The following SYT16 variants were observed in gnomAD, a reference collection of about 807,000 sequenced individuals.
SYT16 encodes the protein synaptotagmin-16.
A neutral mutation model predicts 61.4 loss-of-function variants in SYT16; 42 were observed. That is an observed-to-expected ratio of 0.68 (90% confidence interval 0.53 to 0.89). The LOEUF is 0.89. Ranked by LOEUF, SYT16 falls within the 40% of genes least tolerant of loss-of-function variation. The pLI is 0.00. For missense variants in SYT16, 804 were observed against 807.3 expected (o/e 1.00, Z 0.05); for synonymous variants, 314 against 302.3 (o/e 1.04, Z -0.40).
chr14:61,857,527 G>A (rs540906659), intron 1 of SYT16, among the ~76,000 whole-genome samples: 1 of 152,320 alleles, frequency 6.6e-6, no homozygotes, highest in African/African-American at 2.4e-5. Flanking sequence ...GCAATGTAAT[G>A]GAGTGGTGGG....
At chr14:61,938,173 ACAGGG>A (rs1160033698) in intron 1 of SYT16, among the ~76,000 whole-genome samples, 1 of 152,122 alleles carries the variant, frequency 6.6e-6, no homozygotes, top group Non-Finnish European at 1.5e-5. Context: ...AGATACGCAA[ACAGGG>A]TGGGGATTGC....
intron 1 of SYT16, among the ~76,000 whole-genome samples, chr14:61,822,609 G>A (rs544246409): frequency 1.4e-4 from 21 of 152,330 alleles, no homozygotes; most frequent in Admixed American, 1.1e-3. Flanking sequence ...TAGAAACAAT[G>A]GCGCTGGAAG....
chr14:61,963,011 A>G (rs957865850), intron 1 of SYT16, among the ~76,000 whole-genome samples: 1 of 152,024 alleles, frequency 6.6e-6, no homozygotes, highest in Non-Finnish European at 1.5e-5. Context: ...CTTAGGGTCA[A>G]TTTCTAGAAC....
chr14:62,091,293 A>G (rs951765391), intron 7 of SYT16, among the ~76,000 whole-genome samples: 1 of 152,194 alleles, frequency 6.6e-6, no homozygotes, highest in African/African-American at 2.4e-5. Context: ...ATTTTCCACA[A>G]AGTTTGACAG....
At chr14:61,929,545 C>A (rs1485684022) in intron 1 of SYT16, among the ~76,000 whole-genome samples, 1 of 152,168 alleles carries the variant, frequency 6.6e-6, no homozygotes, top group African/African-American at 2.4e-5. Flanking sequence ...AGTAGTTGGG[C>A]AAAACCAAAA....
At chr14:61,850,618 A>T (rs2046585804) in intron 1 of SYT16, among the ~76,000 whole-genome samples, 1 of 152,204 alleles carries the variant, frequency 6.6e-6, no homozygotes, top group Admixed American at 6.5e-5. Flanking sequence ...AATTGTAAAC[A>T]TTTCAAATAA....
rs376108958 is a variant in SYT16 at position 61,886,972 on chromosome 14, C to G, written c.-325+74162C>G. ...CAGGCAGGTCTCGAACTCCTGGGCT[C>G]AAGCTATCCTCCCGCCTCTTGCCTC... On this transcript the variant is annotated intron_variant, in intron 1 of 7. Coordinates refer to ENST00000683842, the MANE Select transcript of SYT16 (RefSeq NM_001367656.1). Among the ~76,000 whole-genome samples, 3 of 144,920 alleles carry G rather than the reference C, an allele frequency of 2.1e-5. No homozygotes were observed. The East Asian group carries it at 6.4e-4, about 31-fold the overall frequency.
At position 62,069,768 on chromosome 14, in the gene SYT16, C is replaced by A; in HGVS notation, c.689C>A (p.Ser230Ter). The change falls in exon 4 of 8, where the codon TCG (serine) becomes TAG (stop). Residue 230 changes from serine (S) to a stop codon, truncating the protein, a stop_gained. Transcript: ENST00000683842. LOFTEE classifies it high-confidence loss of function. ...GAGCAGAAACCAAAATTCAGCCGTT[C>A]GTTGTTGACACACGGAGAAGATGGC... is the stretch of plus-strand genomic sequence containing the variant. ...GLEQKPKFSRSLLTHGEDGTE... is the reference protein window; with the variant it reads ...GLEQKPKFSR The A allele has an allele frequency of 6.2e-7, 1 of 1,613,974 alleles. No individual in the cohort carries two copies. The highest frequency in any genetic ancestry group is 8.5e-7 in the Non-Finnish European group (1 of 1,179,878).
chr14:61,926,721 A>G (rs182915242), intron 1 of SYT16, among the ~76,000 whole-genome samples: 32 of 152,226 alleles, frequency 2.1e-4, no homozygotes, highest in Admixed American at 1.8e-3. Context: ...TTTTAGGTGA[A>G]TTTTAAGGGG....
intron 3 of SYT16, among the ~76,000 whole-genome samples, chr14:62,026,414 C>T (rs770973261): frequency 2.0e-5 from 3 of 152,104 alleles, no homozygotes; most frequent in Non-Finnish European, 4.4e-5. Context: ...CTGGTGAAGG[C>T]CTTCTTGCTG....
At chr14:61,980,072 A>C (rs766238416) in intron 2 of SYT16, among the ~76,000 whole-genome samples, 3 of 152,198 alleles carry the variant, frequency 2.0e-5, no homozygotes, top group East Asian at 3.8e-4. Context: ...AATAGGATAC[A>C]TAAAATGTCC....
chr14:61,832,459 G>A (rs575753602), intron 1 of SYT16: 9 of 406,460 alleles, frequency 2.2e-5, no homozygotes, highest in Middle Eastern at 1.3e-3. Context: ...TTTCCGAGAC[G>A]GAGTTTTGCT....
intron 3 of SYT16, among the ~76,000 whole-genome samples, chr14:62,023,891 A>G (rs1238935583): frequency 6.6e-6 from 1 of 152,076 alleles, no homozygotes; most frequent in African/African-American, 2.4e-5. Context: ...TTTTTCAAAC[A>G]TGTGCTAGTC....
At chr14:62,097,827 A>G (rs578105036) in intron 7 of SYT16, among the ~76,000 whole-genome samples, 2 of 152,368 alleles carry the variant, frequency 1.3e-5, no homozygotes, top group South Asian at 4.1e-4. Context: ...TGTTTGCAAG[A>G]TTAACTCAAT....
At chr14:62,069,467 T>C in intron 3 of SYT16, 136 bp from the exon 4 acceptor site, 1 of 845,906 alleles carries the variant, frequency 1.2e-6, no homozygotes, top group Non-Finnish European at 1.9e-6. Context: ...CTTTAAATTT[T>C]TTTTCTATCC....
chr14:61,922,076 C>A (rs1366572979), intron 1 of SYT16, among the ~76,000 whole-genome samples: 1 of 152,186 alleles, frequency 6.6e-6, no homozygotes, highest in Non-Finnish European at 1.5e-5. Context: ...TAGGGCTCAA[C>A]TTAGTGCCTT....
intron 3 of SYT16, among the ~76,000 whole-genome samples, chr14:62,003,248 A>G (rs766308219): frequency 3.3e-5 from 5 of 151,964 alleles, no homozygotes; most frequent in Non-Finnish European, 7.4e-5. Context: ...TCATGACTGT[A>G]TCACGACAGC....
At chr14:61,877,115 T>C (rs922686374) in intron 1 of SYT16, among the ~76,000 whole-genome samples, 2 of 151,882 alleles carry the variant, frequency 1.3e-5, no homozygotes, top group African/African-American at 4.8e-5. Flanking sequence ...CAGTACTACC[T>C]GGGGAGGCGG....
chr14:62,105,203 T>A lies in SYT16; in HGVS notation c.*4496T>A, dbSNP rs769043086. 6.6e-6 allele frequency: 1 copy of A among 152,224 alleles called. No homozygotes were observed. Among genetic ancestry groups the A allele is most frequent in the Non-Finnish European group, 1.5e-5 (1 of 68,042 alleles). The allele number at this position is 152,224 out of a possible 1,614,324, so 9.4% of individuals were successfully genotyped here. A position where few individuals can be genotyped will look rare whatever the true frequency, so the allele number is the denominator to read the frequency against. On this transcript the variant is annotated 3_prime_UTR_variant, in exon 8 of 8. Coordinates refer to ENST00000683842, the MANE Select transcript of SYT16 (RefSeq NM_001367656.1). ...GTTTGGAGGGAGTACAAATCCTTGATGGTTTGTGTGTACCTCTTGATCGAT... is the reference window on the plus strand; with the variant it reads ...GTTTGGAGGGAGTACAAATCCTTGAAGGTTTGTGTGTACCTCTTGATCGAT...
Sources: allele counts gnomAD v4.1 joint callset (sites outside exome capture counted in the v4.1 genomes callset), GRCh38; gene constraint gnomAD v4.1.1; transcripts MANE v1.5; gene names NCBI Gene and HGNC (gene_info 2026-07-23, HGNC 2026-07-21).